GPM6A: variants seen among roughly 807,000 people sequenced by gnomAD.
GPM6A encodes the protein glycoprotein M6A, also known as neuronal membrane glycoprotein M6-a.
Under a neutral mutation model 32.1 loss-of-function variants are expected in GPM6A, and 7 were observed. That is an observed-to-expected ratio of 0.22 (90% CI 0.12 to 0.41). The LOEUF (loss-of-function observed/expected upper bound fraction) is 0.41, where lower values mean the gene tolerates loss of function less well. GPM6A is among the 10% of genes least tolerant of loss of function. GPM6A has a pLI of 1.00. For synonymous variants in GPM6A, 130 were observed against 123.4 expected (o/e 1.05, Z -0.35); for missense variants, 235 against 347.2 (o/e 0.68, Z 2.57).
intron 2 of GPM6A, among the ~76,000 whole-genome samples, chr4:175,688,556 C>T (rs1279921191): frequency 6.6e-6 from 1 of 152,018 alleles, no homozygotes; most frequent in Non-Finnish European, 1.5e-5. Context: ...ATGTGTCTGT[C>T]TTTATGTCAA....
intron 1 of GPM6A, among the ~76,000 whole-genome samples, chr4:175,852,584 G>T (rs1237728061): frequency 6.6e-6 from 1 of 152,120 alleles, no homozygotes; most frequent in South Asian, 2.1e-4. Flanking sequence ...GAGGCTCTTA[G>T]AGCTTATATT....
intron 1 of GPM6A, among the ~76,000 whole-genome samples, chr4:175,991,295 C>T (rs889189535): frequency 1.3e-5 from 2 of 149,346 alleles, no homozygotes; most frequent in Non-Finnish European, 3.0e-5. Flanking sequence ...AGGCTGGTCT[C>T]GAACTCCTGA....
intron 1 of GPM6A, among the ~76,000 whole-genome samples, chr4:175,839,839 C>T (rs1735883019): frequency 6.6e-6 from 1 of 152,104 alleles, no homozygotes; most frequent in Admixed American, 6.5e-5. Flanking sequence ...GATACACAAA[C>T]TTATCAAAAG....
chr4:175,751,538 T>C (rs1732336847), intron 1 of GPM6A, among the ~76,000 whole-genome samples: 1 of 152,174 alleles, frequency 6.6e-6, no homozygotes, highest in Non-Finnish European at 1.5e-5. Flanking sequence ...GGTTAAATGA[T>C]GCTATCTATA....
At chr4:175,957,949 A>C (rs1411335367) in intron 1 of GPM6A, among the ~76,000 whole-genome samples, 1 of 152,028 alleles carries the variant, frequency 6.6e-6, no homozygotes, top group Non-Finnish European at 1.5e-5. Context: ...CTGGAGTGCA[A>C]TGGTGCAATC....
chr4:175,992,835 T>C (rs1477428723), intron 1 of GPM6A, among the ~76,000 whole-genome samples: 1 of 152,214 alleles, frequency 6.6e-6, no homozygotes, highest in African/African-American at 2.4e-5. Flanking sequence ...TACTGTATTA[T>C]ATCACAATTT....
intron 1 of GPM6A, among the ~76,000 whole-genome samples, chr4:175,753,055 A>T (rs1453296775): frequency 6.6e-6 from 1 of 152,104 alleles, no homozygotes; most frequent in African/African-American, 2.4e-5. Context: ...CAGAGTTAAA[A>T]CCCACAGGGA....
chr4:175,777,070 A>T, intron 1 of GPM6A, among the ~76,000 whole-genome samples: 1 of 152,234 alleles, frequency 6.6e-6, no homozygotes, highest in East Asian at 1.9e-4. Context: ...TGAAATAATT[A>T]TTAAGGATGC....
chr4:175,716,194 CAACT>C (rs1560892864), intron 1 of GPM6A, among the ~76,000 whole-genome samples: 2 of 152,262 alleles, frequency 1.3e-5, no homozygotes, highest in Non-Finnish European at 1.5e-5. Flanking sequence ...TCTCAACAAC[CAACT>C]AAGACAGATC....
At chr4:175,913,047 T>A (rs1204759007) in intron 1 of GPM6A, among the ~76,000 whole-genome samples, 1 of 152,232 alleles carries the variant, frequency 6.6e-6, no homozygotes, top group Non-Finnish European at 1.5e-5. Flanking sequence ...ACTCCTAGCA[T>A]TTTCTGTAGA....
chr4:175,976,328 A>ATTTTTTTTTTTTTTTTTTTTTT (rs34163669), intron 1 of GPM6A, among the ~76,000 whole-genome samples: 11 of 137,346 alleles, frequency 8.0e-5, no homozygotes, highest in African/African-American at 2.4e-4. Flanking sequence ...CGCCTGGCTA[A>ATTTTTTTTTTTTTTTTTTTTTT]TTTTTTTTTT....
intron 3 of GPM6A, among the ~76,000 whole-genome samples, chr4:175,667,804 T>C (rs969638367): frequency 1.3e-5 from 2 of 152,140 alleles, no homozygotes; most frequent in Non-Finnish European, 2.9e-5. Flanking sequence ...TAGGAGAATA[T>C]ACAAATTTTT....
At chr4:175,752,392 G>A (rs1227914882) in intron 1 of GPM6A, among the ~76,000 whole-genome samples, 2 of 152,056 alleles carry the variant, frequency 1.3e-5, no homozygotes, top group African/African-American at 2.4e-5. Flanking sequence ...CTGCAAGGCC[G>A]AGCCTTTTTC....
chr4:175,678,025 A>G (rs1368394830), intron 2 of GPM6A, among the ~76,000 whole-genome samples: 3 of 152,192 alleles, frequency 2.0e-5, no homozygotes, highest in Non-Finnish European at 4.4e-5. Flanking sequence ...TATTTTATAT[A>G]TATGGAAAAA....
rs376864723 is a variant in GPM6A at position 175,691,693 on chromosome 4, C to T, written c.230+9882G>A. ...TCAGTGGTAGGAAGACTGAAGGGCC[C>T]CAGTGATGCTCACATCATTATCTCC... On this transcript the variant is annotated intron_variant, in intron 2 of 6. Coordinates refer to ENST00000393658, the MANE Select transcript of GPM6A (RefSeq NM_201591.3). Among the ~76,000 whole-genome samples, 10 of 152,140 alleles carry T rather than the reference C, an allele frequency of 6.6e-5. No homozygotes were observed. In the East Asian group the frequency reaches 1.5e-3, roughly 23 times the overall value.
intron 1 of GPM6A, among the ~76,000 whole-genome samples, chr4:175,928,511 G>A (rs1579635635): frequency 6.6e-6 from 1 of 152,088 alleles, no homozygotes; most frequent in East Asian, 1.9e-4. Flanking sequence ...CACTTCTCCA[G>A]CCAAAAATAA....
chr4:175,893,934 T>A (rs981570982), intron 1 of GPM6A, among the ~76,000 whole-genome samples: 1 of 152,116 alleles, frequency 6.6e-6, no homozygotes, highest in African/African-American at 2.4e-5. Context: ...ATGATCAACA[T>A]TTGAGAGAGC....
chr4:175,962,226 C>A, intron 1 of GPM6A: 2 of 1,319,200 alleles, frequency 1.5e-6, no homozygotes, highest in South Asian at 1.2e-5. Context: ...GATGGTGGAA[C>A]AAGAGAACAT....
In GPM6A at chr4:175,703,580, A is replaced by G. The variant is rs1744998967; in HGVS notation, c.38-1813T>C. On this transcript the variant is annotated intron_variant, in intron 1 of 6. Transcript: ENST00000393658. ...TTTTGAAGTCTCATCACTTTTACTT[A>G]TTAAAACACAGCTTTAAGCATTTAA... Among the ~76,000 whole-genome samples the G allele has an allele frequency of 2.0e-5, 3 of 152,250 alleles. 1 individual carries two copies. The South Asian group carries it at 6.2e-4, about 32-fold the overall frequency.
Sources: allele counts gnomAD v4.1 joint callset (sites outside exome capture counted in the v4.1 genomes callset), GRCh38; gene constraint gnomAD v4.1.1; transcripts MANE v1.5; gene names NCBI Gene and HGNC (gene_info 2026-07-23, HGNC 2026-07-21).